SLC35F4: variants seen among roughly 807,000 people sequenced by gnomAD.
SLC35F4 encodes the protein solute carrier family 35 member F4, also known as chromosome 14 open reading frame 36.
In SLC35F4, 24 loss-of-function variants were observed where a neutral mutation model predicts 44.2. The observed-to-expected ratio is 0.54, with a 90% confidence interval of 0.39 to 0.76. SLC35F4 has a LOEUF of 0.76. Ranked by LOEUF, SLC35F4 falls within the 30% of genes least tolerant of loss-of-function variation. SLC35F4 has a pLI of 0.00. For synonymous variants in SLC35F4, 238 were observed against 223.6 expected (o/e 1.06, Z -0.57); for missense variants, 562 against 586.1 (o/e 0.96, Z 0.42).
At chr14:57,735,576 C>T (rs567595233) in intron 1 of SLC35F4, among the ~76,000 whole-genome samples, 1 of 152,296 alleles carries the variant, frequency 6.6e-6, no homozygotes, top group South Asian at 2.1e-4. Context: ...TCCCACATGA[C>T]TGTCTCAGGG....
chr14:57,646,178 G>A (rs531005160), intron 1 of SLC35F4, among the ~76,000 whole-genome samples: 2 of 152,278 alleles, frequency 1.3e-5, no homozygotes, highest in African/African-American at 4.8e-5. Flanking sequence ...CTATTGATTG[G>A]AATAGTTTCA....
chr14:57,965,762 AG>A (rs750098952), intron 1 of SLC35F4, among the ~76,000 whole-genome samples: 1 of 152,206 alleles, frequency 6.6e-6, no homozygotes, highest in Non-Finnish European at 1.5e-5. Context: ...GAGGTGGGAA[AG>A]GAAACAAAGA....
intron 1 of SLC35F4, among the ~76,000 whole-genome samples, chr14:57,785,357 C>T (rs2077729238): frequency 6.6e-6 from 1 of 152,172 alleles, no homozygotes; most frequent in Non-Finnish European, 1.5e-5. Flanking sequence ...CACGGCACCC[C>T]TGCCTGCTTC....
intron 1 of SLC35F4, among the ~76,000 whole-genome samples, chr14:57,816,040 A>G (rs1303817535): frequency 6.6e-6 from 1 of 152,176 alleles, no homozygotes; most frequent in African/African-American, 2.4e-5. Flanking sequence ...TCTGGCCTAA[A>G]GCAGGGCATT....
intron 1 of SLC35F4, among the ~76,000 whole-genome samples, chr14:57,763,583 C>T (rs755283382): frequency 3.5e-4 from 54 of 152,248 alleles, no homozygotes; most frequent in Middle Eastern, 3.4e-3. Flanking sequence ...GATTAAATGA[C>T]TTGGTGCCTA....
chr14:57,667,008 A>C (rs947120113), intron 1 of SLC35F4, among the ~76,000 whole-genome samples: 1 of 152,120 alleles, frequency 6.6e-6, no homozygotes, highest in Admixed American at 6.5e-5. Flanking sequence ...ATTCTGTGGG[A>C]GGAAGCGTGG....
chr14:57,847,303 T>A (rs1002980375), intron 1 of SLC35F4, among the ~76,000 whole-genome samples: 1 of 152,152 alleles, frequency 6.6e-6, no homozygotes, highest in Non-Finnish European at 1.5e-5. Context: ...ATGCAAGCTG[T>A]GCCTTGGGAT....
downstream of SLC35F4, among the ~76,000 whole-genome samples, chr14:57,974,019 T>C (rs1881135032): frequency 6.6e-6 from 1 of 152,198 alleles, no homozygotes; most frequent in African/African-American, 2.4e-5. Context: ...GCTTAAAACA[T>C]CAACCATTTT....
At chr14:57,940,908 G>T (rs1283483421) in intron 1 of SLC35F4, among the ~76,000 whole-genome samples, 1 of 152,188 alleles carries the variant, frequency 6.6e-6, no homozygotes, top group Non-Finnish European at 1.5e-5. Flanking sequence ...ATCACTCATA[G>T]GTATCTTAGT....
chr14:57,621,433 G>C (rs931452529), intron 1 of SLC35F4, among the ~76,000 whole-genome samples: 6 of 152,064 alleles, frequency 3.9e-5, no homozygotes, highest in African/African-American at 4.8e-5. Flanking sequence ...CAAGGCTACA[G>C]TAACCAAAAC....
At chr14:57,776,051 T>G (rs899195042) in intron 1 of SLC35F4, among the ~76,000 whole-genome samples, 2 of 151,974 alleles carry the variant, frequency 1.3e-5, no homozygotes, top group Non-Finnish European at 2.9e-5. Context: ...GGAAAGAATC[T>G]CAGAGCTCGA....
chr14:57,859,150 G>A (rs1887449364), intron 1 of SLC35F4, among the ~76,000 whole-genome samples: 1 of 151,404 alleles, frequency 6.6e-6, no homozygotes, highest in South Asian at 2.1e-4. Flanking sequence ...GAGAGAGGGA[G>A]GAAAACAGAG....
At chr14:57,904,031 TA>T (rs1378476962) in intron 1 of SLC35F4, among the ~76,000 whole-genome samples, 1 of 152,254 alleles carries the variant, frequency 6.6e-6, no homozygotes, top group Non-Finnish European at 1.5e-5. Context: ...AGCTTGTTAT[TA>T]GCTTGGGAAA....
intron 1 of SLC35F4, among the ~76,000 whole-genome samples, chr14:57,829,902 A>G (rs545139074): frequency 5.9e-5 from 9 of 152,348 alleles, no homozygotes; most frequent in African/African-American, 2.2e-4. Flanking sequence ...GAAATCACTC[A>G]TGGTTTTTTA....
intron 1 of SLC35F4, among the ~76,000 whole-genome samples, chr14:57,632,091 G>A (rs377260735): frequency 6.6e-6 from 1 of 151,814 alleles, no homozygotes; most frequent in African/African-American, 2.4e-5. Context: ...TTTCTTTACT[G>A]TTTGCAGTTA....
At chr14:57,943,148 T>C (rs1382792941) in intron 1 of SLC35F4, among the ~76,000 whole-genome samples, 1 of 152,236 alleles carries the variant, frequency 6.6e-6, no homozygotes, top group East Asian at 1.9e-4. Context: ...GCCGTATTAC[T>C]GTATTGCTTT....
At chr14:57,631,422 C>T (rs2072766022) in intron 1 of SLC35F4, among the ~76,000 whole-genome samples, 1 of 151,958 alleles carries the variant, frequency 6.6e-6, no homozygotes, top group Non-Finnish European at 1.5e-5. Flanking sequence ...GTTTAAGGGG[C>T]ATTGTTGATC....
At chr14:57,948,484 AT>A (rs559501223) in intron 1 of SLC35F4, among the ~76,000 whole-genome samples, 1 of 151,874 alleles carries the variant, frequency 6.6e-6, no homozygotes, top group South Asian at 2.1e-4. Context: ...AAATAACCAG[AT>A]TTTTGTTTTA....
chr14:57,897,174 T>G (rs1888891571), intron 1 of SLC35F4, among the ~76,000 whole-genome samples: 1 of 152,142 alleles, frequency 6.6e-6, no homozygotes, highest in South Asian at 2.1e-4. Context: ...ACACTTTTAC[T>G]CTCTTTCTGG....
Sources: allele counts gnomAD v4.1 joint callset (sites outside exome capture counted in the v4.1 genomes callset), GRCh38; gene constraint gnomAD v4.1.1; transcripts MANE v1.5; gene names NCBI Gene and HGNC (gene_info 2026-07-23, HGNC 2026-07-21).